The following SPTBN1 variants were observed in gnomAD, a reference collection of about 807,000 sequenced individuals.
SPTBN1 encodes the protein spectrin beta, non-erythrocytic 1.
SPTBN1 carries 32 observed loss-of-function variants against 266.4 expected under a neutral mutation model. The observed-to-expected ratio is 0.12, with a 90% CI of 0.09 to 0.16. The LOEUF (loss-of-function observed/expected upper bound fraction) is 0.16. Ranked by LOEUF, SPTBN1 falls within the 10% of genes least tolerant of loss-of-function variation. The pLI is 1.00. For missense variants in SPTBN1, 2,296 were observed against 3,067.1 expected (o/e 0.75, Z 5.94); for synonymous variants, 1,336 against 1,162.2 (o/e 1.15, Z -3.04).
intron 2 of SPTBN1, among the ~76,000 whole-genome samples, chr2:54,562,411 TAGGC>T (rs1321520488): frequency 6.6e-6 from 1 of 152,192 alleles, no homozygotes; most frequent in Non-Finnish European, 1.5e-5. Flanking sequence ...TCAAATCTGG[TAGGC>T]AGGCCTACAG....
In SPTBN1 at chr2:54,533,910, A is replaced by T. The variant is rs1329820866; in HGVS notation, c.148+7344A>T. On this transcript the variant is annotated intron_variant, in intron 2 of 35. Transcript: ENST00000356805. This position sits in a 1 kb window ranked among gnomAD's most constrained non-coding sequence, Gnocchi z 4.2. ...CTCTCTGTCTCTCTCTCACACACAC[A>T]CACACACACACACACACGCACGCAC... Among the ~76,000 whole-genome samples, 11 of 128,896 alleles carry T rather than the reference A, an allele frequency of 8.5e-5. No individual in the cohort carries two copies. Among genetic ancestry groups the T allele is most frequent in the African/African-American group, 1.3e-4 (5 of 38,272 alleles). The allele number at this position is 128,896 out of a possible 152,430, so 84.6% of individuals were successfully genotyped here.
rs1452118057 is a variant in SPTBN1, at chr2:54,669,894, GA to G, written c.*1330del. The G allele has an allele frequency of 6.6e-6, 1 of 152,140 alleles. No individual in the cohort carries two copies. The highest frequency in any genetic ancestry group is 2.4e-5 in the African/African-American group (1 of 41,424). 9.4% of individuals were successfully genotyped at this position (152,140 alleles called of 1,614,324 possible). On this transcript the variant is annotated 3_prime_UTR_variant, in exon 36 of 36. Coordinates refer to ENST00000356805, the MANE Select transcript of SPTBN1 (RefSeq NM_003128.3). ...CATTCAGGCTTTATCTTTTATTTATGAAAAAGTTACCAGAGCACTTGTGAAA... is the reference window on the plus strand; with the variant it reads ...CATTCAGGCTTTATCTTTTATTTATGAAAAGTTACCAGAGCACTTGTGAAA...
chr2:54,662,019 G>C, intron 32 of SPTBN1: 1 of 985,428 alleles, frequency 1.0e-6, no homozygotes, highest in Non-Finnish European at 1.2e-6. Context: ...AAATAGCATT[G>C]CTTCGTGCAC....
intron 2 of SPTBN1, among the ~76,000 whole-genome samples, chr2:54,560,063 T>C (rs1289304713): frequency 1.3e-5 from 2 of 152,170 alleles, no homozygotes; most frequent in African/African-American, 4.8e-5. Context: ...GGAAGCTCCC[T>C]TCGCTCTGGG....
intron 18 of SPTBN1, among the ~76,000 whole-genome samples, chr2:54,642,463 A>G (rs1322766976): frequency 6.6e-6 from 1 of 151,998 alleles, no homozygotes; most frequent in Non-Finnish European, 1.5e-5. Context: ...ACAGTGAGCA[A>G]GTTATTTATG....
intron 2 of SPTBN1, among the ~76,000 whole-genome samples, chr2:54,555,349 C>T (rs1259671461): frequency 6.6e-6 from 1 of 152,186 alleles, no homozygotes; most frequent in Non-Finnish European, 1.5e-5. Context: ...CAGATTCCAC[C>T]TGTCTAGAAG....
chr2:54,544,511 G>A (rs771964155), intron 2 of SPTBN1, among the ~76,000 whole-genome samples: 1 of 152,162 alleles, frequency 6.6e-6, no homozygotes, highest in Non-Finnish European at 1.5e-5. Flanking sequence ...AAGGTTTAGA[G>A]TTGAGAATCA....
chr2:54,498,514 A>G (rs780609228), intron 1 of SPTBN1, among the ~76,000 whole-genome samples: 1 of 152,144 alleles, frequency 6.6e-6, no homozygotes, highest in African/African-American at 2.4e-5. Context: ...AAAGTGATAA[A>G]AAGATAATAG....
intron 1 of SPTBN1, among the ~76,000 whole-genome samples, chr2:54,517,321 A>G (rs1255145846): frequency 1.3e-5 from 2 of 151,538 alleles, no homozygotes; most frequent in African/African-American, 2.5e-5. Flanking sequence ...TATTACTGTC[A>G]ATCAAAATAG....
intron 2 of SPTBN1, among the ~76,000 whole-genome samples, chr2:54,576,055 C>CTTTTTTT (rs71408771): frequency 2.7e-4 from 5 of 18,732 alleles, no homozygotes; most frequent in African/African-American, 5.3e-4. Flanking sequence ...TCAGATCCAG[C>CTTTTTTT]TTTTTTTTTT....
At position 54,631,470 on chromosome 2, in the gene SPTBN1, G is replaced by A. The variant is rs1277597316; in HGVS notation, c.3423G>A (p.Arg1141=). ...GQTDAQYMFL[R]QRLQALDTGW... ...CCGATGCCCAGTACATGTTTCTGCG[G>A]CAGCGGCTGCAGGCCCTGGACACTG... Residue 1141 remains arginine, a synonymous_variant, in exon 16 of 36, where the codon CGG becomes CGA. Transcript: ENST00000356805. The A allele has an allele frequency of 2.5e-6, 4 of 1,614,092 alleles. No individual in the cohort carries two copies. In the African/African-American group the frequency reaches 4.0e-5, roughly 16 times the overall value.
rs763098177 is a variant in SPTBN1, at chr2:54,657,866, G to A, written c.6063G>A (p.Gln2021=). The change falls in exon 30 of 36, where the codon CAG becomes CAA. Residue 2021 remains glutamine (Q), a synonymous_variant. Transcript: ENST00000356805. ...EWLRLILEVH[Q]FSRDASVAEA... ...CCTGTGCAGTTCTGGAGGTCCATCA[G>A]TTCTCAAGAGACGCCAGTGTGGCCG... 105 of 1,614,122 alleles carry A rather than the reference G, an allele frequency of 6.5e-5. No individual in the cohort carries two copies. Among genetic ancestry groups the A allele is most frequent in the Non-Finnish European group, 8.6e-5 (101 of 1,180,050 alleles).
In SPTBN1 at chr2:54,646,341, A is replaced by G. The variant is rs771856662; in HGVS notation, c.4732A>G (p.Ile1578Val). ...ADLKQLWGLL[I>V]EETEKRHRRL... ...CCTGAAGCAGCTGTGGGGTCTCCTC[A>G]TTGAGGAGACAGAGAAACGCCACAG... The change falls in exon 23 of 36, where the codon ATT becomes GTT. Residue 1578 changes from isoleucine (I) to valine (V), a missense_variant. Physicochemically the swap from Ile to Val is conservative, Grantham distance 29. Coordinates refer to ENST00000356805, the MANE Select transcript of SPTBN1 (RefSeq NM_003128.3). The surrounding 1 kb of genome is among the most constrained non-coding windows in gnomAD (Gnocchi z 4.4). 1 of 1,613,990 alleles carries G rather than the reference A, an allele frequency of 6.2e-7. No homozygotes were observed. Among genetic ancestry groups the G allele is most frequent in the African/African-American group, 1.3e-5 (1 of 74,922 alleles).
intron 2 of SPTBN1, among the ~76,000 whole-genome samples, chr2:54,595,526 C>T (rs564127887): frequency 6.6e-6 from 1 of 152,376 alleles, no homozygotes; most frequent in Admixed American, 6.5e-5. Context: ...CAGAAGTGCC[C>T]ACCTCACATC....
At chr2:54,659,408 G>A in intron 31 of SPTBN1, 142 bp downstream of exon 31, 1 of 786,070 alleles carries the variant, frequency 1.3e-6, no homozygotes, top group Non-Finnish European at 2.1e-6. Flanking sequence ...TTTAAAGGCT[G>A]TACAGTTATC....
intron 18 of SPTBN1, among the ~76,000 whole-genome samples, chr2:54,641,745 T>A (rs954621441): frequency 3.4e-5 from 5 of 148,046 alleles, no homozygotes; most frequent in Non-Finnish European, 6.0e-5. Context: ...TTCACCCACT[T>A]TCAGAGCCAG....
rs559665923 is a variant in SPTBN1, at chr2:54,626,607, G to C, written c.1644+373G>C. Among the ~76,000 whole-genome samples the C allele has an allele frequency of 2.0e-5, 3 of 152,218 alleles. No homozygotes were observed. Among genetic ancestry groups the C allele is most frequent in the African/African-American group, 7.2e-5 (3 of 41,458 alleles). ...TTTGGGCAGGGGTCCCGGAGAGGTG[G>C]TATGGGGAGAAGGGAGGAGTGGTAG... On this transcript the variant is annotated intron_variant, in intron 12 of 35. Coordinates refer to ENST00000356805, the MANE Select transcript of SPTBN1 (RefSeq NM_003128.3). The surrounding 1 kb of genome is among the most constrained non-coding windows in gnomAD (Gnocchi z 4.7).
At chr2:54,609,677 C>T (rs905864214) in intron 3 of SPTBN1, among the ~76,000 whole-genome samples, 4 of 152,042 alleles carry the variant, frequency 2.6e-5, no homozygotes, top group African/African-American at 9.7e-5. Flanking sequence ...ATGTCAGTGC[C>T]TTCAGTGTTG....
chr2:54,562,696 T>TTGTGTGTGTGTGTGTGTGTGTG (rs55947327), intron 2 of SPTBN1, among the ~76,000 whole-genome samples: 10 of 122,598 alleles, frequency 8.2e-5, no homozygotes, highest in East Asian at 2.3e-4. Flanking sequence ...AAACCCTGCT[T>TTGTGTGTGTGTGTGTGTGTGTG]TGTGTGTGTG....
Sources: allele counts gnomAD v4.1 joint callset (sites outside exome capture counted in the v4.1 genomes callset), GRCh38; gene constraint gnomAD v4.1.1; non-coding constraint Gnocchi (gnomAD v3.1); transcripts MANE v1.5; gene names NCBI Gene and HGNC (gene_info 2026-07-23, HGNC 2026-07-21).